The following ASXL3 variants were observed in gnomAD, a reference collection of about 807,000 sequenced individuals.
ASXL3 encodes putative Polycomb group protein ASXL3.
Under a neutral mutation model 170.6 loss-of-function variants are expected in ASXL3, and 34 were observed. The ratio of observed to expected loss-of-function variants is 0.20; its 90% CI spans 0.15 to 0.27. The LOEUF is 0.27. Among genes scored for constraint, ASXL3 ranks in the 10% least tolerant of loss-of-function variants. The pLI, the probability that ASXL3 is intolerant of heterozygous loss-of-function variation, is 1.00. For synonymous variants in ASXL3, 1,002 were observed against 989.1 expected, an observed-to-expected ratio of 1.01 and a Z score of -0.24; for missense variants, 2,592 against 2,695.3, an observed-to-expected ratio of 0.96 and a Z score of 0.85.
At chr18:33,700,129 A>G (rs1461786272) in intron 8 of ASXL3, among the ~76,000 whole-genome samples, 2 of 151,992 alleles carry the variant, frequency 1.3e-5, no homozygotes, top group Non-Finnish European at 2.9e-5. Flanking sequence ...TTAAGGAGAG[A>G]GATGGGGTTT....
rs752903812 is a variant in ASXL3 at position 33,745,911 on chromosome 18, GCCTCCC to G, written c.6075_6080del (p.Pro2027_Pro2028del). ...CACTAGTACATCCGCCGCCGCCACC[GCCTCCC>G]CCTCCCCCTCCACCCTTGGCTTTGC... On this transcript the variant is annotated inframe_deletion, in exon 12 of 12. Transcript: ENST00000269197. 9.5e-6 allele frequency: 15 copies of G among 1,585,484 alleles called. No homozygotes were observed. The highest frequency in any genetic ancestry group is 1.3e-5 in the Non-Finnish European group (15 of 1,168,296).
chr18:33,603,915 C>T (rs1210980741), intron 1 of ASXL3, among the ~76,000 whole-genome samples: 2 of 152,000 alleles, frequency 1.3e-5, no homozygotes, highest in Admixed American at 6.6e-5. Context: ...TGTGAAGAGA[C>T]AGTGATATGT....
chr18:33,739,967 C>T lies in ASXL3; in HGVS notation c.2563C>T (p.Leu855Phe), dbSNP rs1372992648. Residue 855 changes from leucine to phenylalanine, a missense_variant, in exon 11 of 12, where the codon CTT becomes TTT. Physicochemically the swap from Leu to Phe is conservative, Grantham distance 22 (BLOSUM62 0). Coordinates refer to ENST00000269197, the MANE Select transcript of ASXL3 (RefSeq NM_030632.3). ...GCCCTACCCTGCTTCAATTCCAGAA[C>T]TTGCTTCTACTGAAATGATAAAAGT... Reference protein sequence around the residue: ...EKPYPASIPELASTEMIKVKN... With the variant: ...EKPYPASIPEFASTEMIKVKN... 6.2e-7 allele frequency: 1 copy of T among 1,613,936 alleles called. No homozygotes were observed.
chr18:33,657,440 A>G (rs1417328200), intron 4 of ASXL3, among the ~76,000 whole-genome samples: 2 of 152,068 alleles, frequency 1.3e-5, no homozygotes, highest in African/African-American at 2.4e-5. Flanking sequence ...CACAGTTACA[A>G]TTGTGGATGT....
intron 7 of ASXL3, among the ~76,000 whole-genome samples, chr18:33,673,806 C>G (rs1177532287): frequency 3.3e-5 from 5 of 152,204 alleles, no homozygotes; most frequent in Admixed American, 6.5e-5. Flanking sequence ...CTGCATGCCA[C>G]TAAATACCTT....
chr18:33,705,830 C>T (rs538783743), intron 8 of ASXL3, among the ~76,000 whole-genome samples: 1 of 151,852 alleles, frequency 6.6e-6, no homozygotes, highest in Non-Finnish European at 1.5e-5. Context: ...GGTAGCATAT[C>T]CTTATAACTG....
At position 33,732,192 on chromosome 18, in the gene ASXL3, C is replaced by T. The variant is rs1476642855; in HGVS notation, c.976+128C>T. On this transcript the variant is annotated intron_variant, in intron 9 of 11. Coordinates refer to ENST00000269197, the MANE Select transcript of ASXL3 (RefSeq NM_030632.3). ...ACTTTAATTTAGTAAAAACTCATATCCCTTTCCAAATGAGTTCACTGATTC... is the reference window on the plus strand; with the variant it reads ...ACTTTAATTTAGTAAAAACTCATATTCCTTTCCAAATGAGTTCACTGATTC... The T allele has an allele frequency of 9.5e-6, 5 of 525,734 alleles. No individual in the cohort carries two copies. The South Asian group carries it at 2.3e-4, about 24-fold the overall frequency. 32.6% of individuals were successfully genotyped at this position (525,734 alleles called of 1,614,324 possible). A position where few individuals can be genotyped will look rare whatever the true frequency, so the allele number is the denominator to read the frequency against.
chr18:33,676,658 A>T (rs920828553), intron 7 of ASXL3, among the ~76,000 whole-genome samples: 1 of 152,220 alleles, frequency 6.6e-6, no homozygotes, highest in Admixed American at 6.5e-5. Context: ...TAAATGTTAG[A>T]CTACCAAATA....
intron 1 of ASXL3, among the ~76,000 whole-genome samples, chr18:33,594,857 G>A (rs2065111285): frequency 6.6e-6 from 1 of 152,142 alleles, no homozygotes; most frequent in Non-Finnish European, 1.5e-5. Flanking sequence ...TTACAGGCAT[G>A]AACCACCATG....
Position 33,679,773 on chromosome 18 carries a change from A to G in ASXL3, c.716-3632A>G, listed in dbSNP as rs548669830. Reference sequence around the variant, plus strand: ...ATAAAGCTTAAAATATTTGTATTCAATGACATTGCAAAGAGTCATAATATT... The same window carrying G: ...ATAAAGCTTAAAATATTTGTATTCAGTGACATTGCAAAGAGTCATAATATT... On this transcript the variant is annotated intron_variant, in intron 7 of 11. Transcript: ENST00000269197. Among the ~76,000 whole-genome samples, 6 of 152,202 alleles carry G rather than the reference A, an allele frequency of 3.9e-5. No homozygotes were observed. The East Asian group carries it at 5.8e-4, about 15-fold the overall frequency.
intron 8 of ASXL3, among the ~76,000 whole-genome samples, chr18:33,722,110 C>G (rs1163193042): frequency 3.3e-5 from 5 of 152,024 alleles, no homozygotes; most frequent in Admixed American, 6.6e-5. Flanking sequence ...CAGCTGTCTC[C>G]CATTTCTCTC....
At chr18:33,655,867 A>G (rs1050095068) in intron 4 of ASXL3, among the ~76,000 whole-genome samples, 2 of 152,086 alleles carry the variant, frequency 1.3e-5, no homozygotes, top group Admixed American at 6.6e-5. Context: ...TGATCTTTCA[A>G]AACAAATTTA....
At chr18:33,711,934 A>G (rs1322461585) in intron 8 of ASXL3, among the ~76,000 whole-genome samples, 5 of 152,230 alleles carry the variant, frequency 3.3e-5, no homozygotes, top group Non-Finnish European at 7.3e-5. Flanking sequence ...ATGTCATAAA[A>G]TATGCAATCT....
chr18:33,578,621 G>A lies in ASXL3; in HGVS notation c.-11G>A, dbSNP rs780451338. 9.7e-6 allele frequency: 13 copies of A among 1,338,812 alleles called. No individual in the cohort carries two copies. The highest frequency in any genetic ancestry group is 3.2e-5 in the South Asian group (2 of 63,474). The allele number at this position is 1,338,812 out of a possible 1,614,324, so 82.9% of individuals were successfully genotyped here. On this transcript the variant is annotated 5_prime_UTR_variant, in exon 1 of 12. It removes an upstream start codon present in the reference 5' UTR. Coordinates refer to ENST00000269197, the MANE Select transcript of ASXL3 (RefSeq NM_030632.3). ...CCACGTCATCATCAGAACCATCAAT[G>A]AGATGCAAACATGAAAGACAAGAGG...
intron 2 of ASXL3, among the ~76,000 whole-genome samples, chr18:33,618,652 G>A: frequency 6.6e-6 from 1 of 151,970 alleles, no homozygotes; most frequent in East Asian, 1.9e-4. Flanking sequence ...AGAAGTTGTG[G>A]GGGTTAATAG....
chr18:33,597,149 T>C (rs907941280), intron 1 of ASXL3, among the ~76,000 whole-genome samples: 2 of 152,154 alleles, frequency 1.3e-5, no homozygotes, highest in Non-Finnish European at 2.9e-5. Flanking sequence ...TTAACAACTA[T>C]ATAACTTATA....
chr18:33,617,895 G>A (rs1021222268), intron 2 of ASXL3, among the ~76,000 whole-genome samples: 2 of 152,112 alleles, frequency 1.3e-5, no homozygotes, highest in Non-Finnish European at 2.9e-5. Flanking sequence ...AGGAGGAATA[G>A]GCATTTAACT....
rs1311942489 is a variant in ASXL3 at position 33,745,665 on chromosome 18, G to A, written c.5817G>A (p.Arg1939=). The stretch of plus-strand genomic sequence containing the variant: ...TTTACCAAATGCCTGTGGCTGCCAG[G>A]GGCCCCATTCCTACTGCAGCTCTGT... ...QQFYQMPVAA[R]GPIPTAALLQ... Residue 1939 remains arginine, a synonymous_variant, in exon 12 of 12, where the codon AGG becomes AGA. Coordinates refer to ENST00000269197, the MANE Select transcript of ASXL3 (RefSeq NM_030632.3). 1.9e-6 allele frequency: 3 copies of A among 1,613,920 alleles called. No individual in the cohort carries two copies. Among genetic ancestry groups the A allele is most frequent in the Non-Finnish European group, 2.5e-6 (3 of 1,179,892 alleles).
intron 1 of ASXL3, among the ~76,000 whole-genome samples, chr18:33,596,722 A>G (rs1599378560): frequency 1.3e-5 from 2 of 152,322 alleles, no homozygotes; most frequent in African/African-American, 4.8e-5. Flanking sequence ...CTATGATTAC[A>G]GTATAAGGCA....
Sources: allele counts gnomAD v4.1 joint callset (sites outside exome capture counted in the v4.1 genomes callset), GRCh38; gene constraint gnomAD v4.1.1; transcripts MANE v1.5; gene names NCBI Gene and HGNC (gene_info 2026-07-23, HGNC 2026-07-21).